The following VPS13B variants were observed in gnomAD, a reference collection of about 807,000 sequenced individuals.
The protein encoded by VPS13B is vacuolar protein sorting 13 homolog B.
A neutral mutation model predicts 426.4 loss-of-function variants in VPS13B; 285 were observed. The observed-to-expected ratio is 0.67, with a 90% CI of 0.61 to 0.74. The LOEUF is 0.74. VPS13B is among the 30% of genes least tolerant of loss of function. The pLI, the probability that VPS13B is intolerant of heterozygous loss-of-function variation, is 0.00. For missense variants in VPS13B, 4,537 were observed against 4,782.6 expected (o/e 0.95, Z 1.51); for synonymous variants, 1,676 against 1,676.4 (o/e 1.00, Z 0.01).
At chr8:99,496,726 C>G (rs1012321925) in intron 25 of VPS13B, among the ~76,000 whole-genome samples, 1 of 152,038 alleles carries the variant, frequency 6.6e-6, no homozygotes, top group Non-Finnish European at 1.5e-5. Context: ...TACATACGTA[C>G]ACAAGTACAC....
At chr8:99,134,934 A>AT in intron 9 of VPS13B, 81 bp from the exon 10 acceptor site, 1 of 1,532,528 alleles carries the variant, frequency 6.5e-7, no homozygotes, top group Non-Finnish European at 9.0e-7. Context: ...TGTTTAACTA[A>AT]TTTAGAGATT....
At chr8:99,761,413 C>A (rs1273460876) in intron 39 of VPS13B, among the ~76,000 whole-genome samples, 1 of 152,162 alleles carries the variant, frequency 6.6e-6, no homozygotes, top group African/African-American at 2.4e-5. Context: ...TGGTGCAGTC[C>A]ACATTCATTG....
chr8:99,784,574 T>C lies in VPS13B; in HGVS notation c.7941+98T>C, dbSNP rs1392790108. The stretch of plus-strand genomic sequence containing the variant: ...GTCCAGTTATTTCCCTTTTTAAGTC[T>C]CCGAAGGAACCACACAGCGTAGCTA... On this transcript the variant is annotated intron_variant, in intron 43 of 61. Transcript: ENST00000357162. The C allele has an allele frequency of 1.8e-5, 27 of 1,518,668 alleles. No homozygotes were observed. In the East Asian group the frequency reaches 5.4e-4, roughly 31 times the overall value. 94.1% of individuals were successfully genotyped at this position (1,518,668 alleles called of 1,614,324 possible). A position where few individuals can be genotyped will look rare whatever the true frequency, so the allele number is the denominator to read the frequency against.
intron 25 of VPS13B, among the ~76,000 whole-genome samples, chr8:99,499,510 C>T (rs941423780): frequency 1.3e-5 from 2 of 152,094 alleles, no homozygotes; most frequent in African/African-American, 4.8e-5. Context: ...TACTTCTACT[C>T]TATAAACCTA....
chr8:99,579,729 G>A (rs1416324595), intron 33 of VPS13B, among the ~76,000 whole-genome samples: 5 of 144,712 alleles, frequency 3.5e-5, no homozygotes, highest in Non-Finnish European at 4.5e-5. Context: ...TTTTTAACAC[G>A]GAGTCTCACT....
At chr8:99,510,978 T>C in intron 28 of VPS13B, 126 bp from the exon 29 acceptor site, 2 of 1,014,982 alleles carry the variant, frequency 2.0e-6, no homozygotes, top group Non-Finnish European at 2.9e-6. Flanking sequence ...CAGTCATGTG[T>C]TTATTAAGAA....
chr8:99,802,413 A>G (rs1813172014), intron 43 of VPS13B, among the ~76,000 whole-genome samples: 1 of 152,154 alleles, frequency 6.6e-6, no homozygotes. Context: ...ATTTCTTTTT[A>G]CCTAAAAATG....
chr8:99,046,597 G>GT, intron 3 of VPS13B, among the ~76,000 whole-genome samples: 1 of 152,070 alleles, frequency 6.6e-6, no homozygotes. Context: ...AAGAGGAGTG[G>GT]TAAGAGTGGG....
chr8:99,284,877 C>G (rs559758223), intron 19 of VPS13B, among the ~76,000 whole-genome samples: 1 of 152,154 alleles, frequency 6.6e-6, no homozygotes, highest in East Asian at 1.9e-4. Context: ...TGGTTTGTCA[C>G]CTATAAAATG....
At chr8:99,153,878 C>A (rs988686837) in intron 14 of VPS13B, among the ~76,000 whole-genome samples, 1 of 151,420 alleles carries the variant, frequency 6.6e-6, no homozygotes, top group Non-Finnish European at 1.5e-5. Context: ...ATACTGGAAA[C>A]AAATTCTCTG....
At chr8:99,859,233 T>C (rs1209904793) in intron 56 of VPS13B, 71 bp from the exon 57 acceptor site, 1 of 1,588,186 alleles carries the variant, frequency 6.3e-7, no homozygotes, top group African/African-American at 1.3e-5. Context: ...GGAAAATGGG[T>C]CACTTTTTCA....
intron 39 of VPS13B, among the ~76,000 whole-genome samples, chr8:99,750,749 T>C (rs1345211199): frequency 2.0e-5 from 3 of 152,116 alleles, no homozygotes; most frequent in African/African-American, 4.8e-5. Flanking sequence ...TTAGATAGTA[T>C]TATTAAGTGC....
intron 17 of VPS13B, among the ~76,000 whole-genome samples, chr8:99,246,278 A>G (rs1817214434): frequency 6.6e-6 from 1 of 152,198 alleles, no homozygotes; most frequent in Non-Finnish European, 1.5e-5. Flanking sequence ...ATCTCTGAGG[A>G]TGGGGCCTGG....
intron 33 of VPS13B, among the ~76,000 whole-genome samples, chr8:99,584,635 A>T (rs999932152): frequency 2.6e-5 from 4 of 152,220 alleles, no homozygotes; most frequent in African/African-American, 9.6e-5. Flanking sequence ...AACTCAGAGC[A>T]GTATATGAAA....
At chr8:99,584,704 C>T (rs1182560146) in intron 33 of VPS13B, among the ~76,000 whole-genome samples, 3 of 152,126 alleles carry the variant, frequency 2.0e-5, no homozygotes, top group Non-Finnish European at 4.4e-5. Flanking sequence ...AAAGAGAAGG[C>T]TTTAGGCCAG....
chr8:99,667,950 C>G (rs975014538), intron 35 of VPS13B, among the ~76,000 whole-genome samples: 2 of 151,776 alleles, frequency 1.3e-5, no homozygotes, highest in Admixed American at 1.3e-4. Context: ...TATAATGTTC[C>G]CAATAACATT....
At chr8:99,104,697 C>T (rs574335680) in intron 5 of VPS13B, among the ~76,000 whole-genome samples, 9 of 151,948 alleles carry the variant, frequency 5.9e-5, no homozygotes, top group Non-Finnish European at 1.2e-4. Context: ...TACCTTGGCT[C>T]ACTGCAGCCT....
chr8:99,708,184 T>A (rs1232772342), intron 36 of VPS13B, among the ~76,000 whole-genome samples: 1 of 152,050 alleles, frequency 6.6e-6, no homozygotes, highest in Non-Finnish European at 1.5e-5. Context: ...CTTTTTTTTT[T>A]AAACATAGCC....
In VPS13B at chr8:99,309,905, G is replaced by T. The variant is rs1373554180; in HGVS notation, c.2824+34651G>T. 2.6e-5 allele frequency among the ~76,000 whole-genome samples: 4 copies of T among 152,302 alleles called. No homozygotes were observed. The East Asian group carries it at 7.7e-4, about 29-fold the overall frequency. ...CTTGAAGAGATCCTTCACATCCGTTGTAAGATGGATTCCTAGGTATTTTAT... is the reference window on the plus strand; with the variant it reads ...CTTGAAGAGATCCTTCACATCCGTTTTAAGATGGATTCCTAGGTATTTTAT... On this transcript the variant is annotated intron_variant, in intron 19 of 61. Coordinates refer to ENST00000357162, the MANE Select transcript of VPS13B (RefSeq NM_152564.5).
Sources: allele counts gnomAD v4.1 joint callset (sites outside exome capture counted in the v4.1 genomes callset), GRCh38; gene constraint gnomAD v4.1.1; transcripts MANE v1.5; gene names NCBI Gene and HGNC (gene_info 2026-07-23, HGNC 2026-07-21).